PINLYP: variants seen among roughly 807,000 people sequenced by gnomAD.
The protein encoded by PINLYP is phospholipase A2 inhibitor and LY6/PLAUR domain containing, also known as phospholipase A2 inhibitor and Ly6/PLAUR domain-containing protein.
A neutral mutation model predicts 15.8 loss-of-function variants in PINLYP; 12 were observed. The observed-to-expected ratio is 0.76, with a 90% CI of 0.49 to 1.23. The LOEUF (loss-of-function observed/expected upper bound fraction) is 1.23. Among genes scored for constraint, PINLYP ranks in the 50% most tolerant of loss-of-function variants. PINLYP has a pLI of 0.00. For synonymous variants in PINLYP, 93 were observed against 97.7 expected (o/e 0.95, Z 0.28); for missense variants, 278 against 264.2 (o/e 1.05, Z -0.36).
intron 3 of PINLYP, among the ~76,000 whole-genome samples, chr19:43,580,837 C>G (rs1332239292): frequency 6.6e-6 from 1 of 152,144 alleles, no homozygotes; most frequent in Non-Finnish European, 1.5e-5. Context: ...CGCAGTGGCT[C>G]CCGCCTGTAA....
At chr19:43,577,157 A>C in exon 2 of PINLYP, 1 of 1,535,886 alleles carries the variant, frequency 6.5e-7, no homozygotes, top group Non-Finnish European at 8.7e-7. Context: ...GCTTCCTATA[A>C]AAGCTGGGGA....
intron 1 of PINLYP, 55 bp downstream of exon 1, chr19:43,576,974 C>T: frequency 4.2e-6 from 3 of 715,968 alleles, no homozygotes; most frequent in Non-Finnish European, 6.4e-6. Flanking sequence ...GGGATGGAAG[C>T]CCAGACTCCT....
rs1279632298 is a variant in PINLYP, at chr19:43,578,539, C to T, written c.71-51C>T. 30 of 1,379,728 alleles carry T rather than the reference C, an allele frequency of 2.2e-5. 1 individual carries two copies. In the East Asian group the frequency reaches 3.3e-4, roughly 15 times the overall value. 85.5% of individuals were successfully genotyped at this position (1,379,728 alleles called of 1,614,324 possible). A position where few individuals can be genotyped will look rare whatever the true frequency, so the allele number is the denominator to read the frequency against. On this transcript the variant is annotated intron_variant, in intron 2 of 5. Coordinates refer to ENST00000599207, the Ensembl canonical transcript of PINLYP. The stretch of plus-strand genomic sequence containing the variant: ...AAAGTCCTAAGTCAAAGTCGTGGTC[C>T]GAAGACCACACCACCCATGACTACA...
intron 3 of PINLYP, among the ~76,000 whole-genome samples, chr19:43,579,443 C>T (rs867484215): frequency 4.6e-5 from 7 of 151,360 alleles, no homozygotes; most frequent in Admixed American, 4.6e-4. Context: ...GACGGGGTTT[C>T]GCCATGTTGG....
At chr19:43,578,773 A>C in intron 3 of PINLYP, 67 bp downstream of exon 3, 1 of 1,205,066 alleles carries the variant, frequency 8.3e-7, no homozygotes, top group Non-Finnish European at 1.2e-6. Context: ...AGAGACTACC[A>C]TGCTGAGGGG....
At position 43,577,217 on chromosome 19, in the gene PINLYP, C is replaced by G. The variant is rs970630069; in HGVS notation, c.26C>G (p.Thr9Ser). The change falls in exon 2 of 6, where the codon ACC becomes AGC. Residue 9 changes from threonine (T) to serine (S), a missense_variant. Coordinates refer to ENST00000599207, the Ensembl canonical transcript of PINLYP. The stretch of plus-strand genomic sequence containing the variant: ...ATGAGGCTCTCCAGGAGACCAGAGA[C>G]CTTTCTGCTGGCCTTTGTGTTGCTC... 7 of 1,536,056 alleles carry G rather than the reference C, an allele frequency of 4.6e-6. No homozygotes were observed. Among genetic ancestry groups the G allele is most frequent in the Non-Finnish European group, 6.1e-6 (7 of 1,146,886 alleles).
chr19:43,578,462 T>TCC, intron 2 of PINLYP, 128 bp from the exon 3 acceptor site: 1 of 605,384 alleles, frequency 1.7e-6, no homozygotes, highest in African/African-American at 1.9e-5. Flanking sequence ...GTGGTCAACA[T>TCC]CCCGCCCATG....
intron 5 of PINLYP, 33 bp downstream of exon 5, chr19:43,581,736 C>A: frequency 6.5e-7 from 1 of 1,535,724 alleles, no homozygotes; most frequent in Non-Finnish European, 8.7e-7. Context: ...GAAAAGGAAA[C>A]AGAACTAGAG....
chr19:43,577,291 G>A, intron 2 of PINLYP, 30 bp downstream of exon 2: 1 of 1,529,884 alleles, frequency 6.5e-7, no homozygotes, highest in Non-Finnish European at 8.7e-7. Context: ...AACTGTCTCT[G>A]GGACCTCAGG....
chr19:43,575,822 T>G (rs1972855444), exon 1 of PINLYP: 2 of 220,186 alleles, frequency 9.1e-6, no homozygotes, highest in South Asian at 1.6e-4. Flanking sequence ...AAATTCGCCT[T>G]TCTCATTGCA....
intron 3 of PINLYP, 22 bp downstream of exon 3, chr19:43,578,728 C>G (rs1568522243): frequency 6.6e-7 from 1 of 1,519,596 alleles, no homozygotes; most frequent in South Asian, 1.2e-5. Context: ...TGGCCTGGGA[C>G]CTGGTGGGGA....
chr19:43,579,729 C>T (rs1032806711), intron 3 of PINLYP, among the ~76,000 whole-genome samples: 1 of 145,964 alleles, frequency 6.9e-6, no homozygotes, highest in African/African-American at 2.5e-5. Flanking sequence ...AGAGATCCAT[C>T]TCTACAGAAA....
Position 43,577,253 on chromosome 19 carries a change from T to G in PINLYP, c.62T>G (p.Leu21Arg), listed in dbSNP as rs910090738. 32 of 1,535,756 alleles carry G rather than the reference T, an allele frequency of 2.1e-5. No individual in the cohort carries two copies. The Admixed American group carries it at 6.3e-4, about 30-fold the overall frequency. ...GCCTTTGTGTTGCTCTGCACCCTCC[T>G]GGGTCTTGGTAAGTGACAAGGGACC... Residue 21 changes from leucine (L) to arginine (R), a missense_variant, in exon 2 of 6, where the codon CTG becomes CGG. Leu to Arg is a moderately radical substitution (Grantham distance 102, BLOSUM62 -2). Transcript: ENST00000599207.
chr19:43,581,570 G>A, exon 5 of PINLYP: 1 of 1,535,436 alleles, frequency 6.5e-7, no homozygotes, highest in Non-Finnish European at 8.7e-7. Flanking sequence ...CAGTTCCCTT[G>A]ACCAATCTTA....
rs1432592656 is a variant in PINLYP at position 43,581,393 on chromosome 19, C to T, written c.340+29C>T. 4 of 1,535,524 alleles carry T rather than the reference C, an allele frequency of 2.6e-6. No individual in the cohort carries two copies. In the African/African-American group the frequency reaches 5.5e-5, roughly 21 times the overall value. ...AGAAGCCCGTGGTGTGTGGTGTGTG[C>T]TCTGGCTCTCCACTGACCCTTGCTG... is the stretch of plus-strand genomic sequence containing the variant. On this transcript the variant is annotated intron_variant, in intron 4 of 5. Coordinates refer to ENST00000599207, the Ensembl canonical transcript of PINLYP.
Position 43,580,962 on chromosome 19 carries a change from GC to G in PINLYP, c.188-249del, listed in dbSNP as rs1972923737. 1.4e-5 allele frequency: 6 copies of G among 433,572 alleles called. No homozygotes were observed. The South Asian group carries it at 2.6e-4, about 19-fold the overall frequency. 26.9% of individuals were successfully genotyped at this position (433,572 alleles called of 1,614,324 possible). ...ATTAAAAATACAAAAAAATAGCCGG[GC>G]ATGGTGGCGGTCGCCTGTGATCGCA... On this transcript the variant is annotated intron_variant, in intron 3 of 5. Coordinates refer to ENST00000599207, the Ensembl canonical transcript of PINLYP.
chr19:43,581,694 G>T lies in PINLYP; in HGVS notation c.472G>T (p.Val158Leu). 5.2e-6 allele frequency: 8 copies of T among 1,536,278 alleles called. No homozygotes were observed. Among genetic ancestry groups the T allele is most frequent in the African/African-American group, 1.4e-5 (1 of 73,158 alleles). ...CCACTGCGTCTCCTTATCTGGACAC[G>T]TGCAGGCTGGTGAGTGGTGCCTGAA... The change falls in exon 5 of 6, where the codon GTG becomes TTG. Residue 158 changes from valine (V) to leucine (L), a missense_variant. Physicochemically the swap from Val to Leu is conservative, Grantham distance 32. Coordinates refer to ENST00000599207, the Ensembl canonical transcript of PINLYP.
intron 2 of PINLYP, among the ~76,000 whole-genome samples, chr19:43,577,811 T>A (rs956147249): frequency 6.6e-6 from 1 of 151,918 alleles, no homozygotes; most frequent in Non-Finnish European, 1.5e-5. Flanking sequence ...GAGGCTGAGG[T>A]GAGAGGATTG....
chr19:43,577,062 G>A (rs1016445785), intron 1 of PINLYP, 53 bp from the exon 2 acceptor site: 59 of 1,494,790 alleles, frequency 3.9e-5, no homozygotes, highest in East Asian at 3.2e-4. Flanking sequence ...TTCCCAACCC[G>A]GAGGCCACAG....
Sources: gnomAD v4.1 joint callset for allele counts (sites outside exome capture counted in the v4.1 genomes callset) on GRCh38, gnomAD v4.1.1 for gene constraint, MANE v1.5 for transcripts, NCBI Gene and HGNC (gene_info 2026-07-23, HGNC 2026-07-21) for gene names.